Variants in DACH1 observed in about 807,000 individuals in gnomAD.
DACH1 encodes dachshund family transcription factor 1.
DACH1 carries 12 observed loss-of-function variants against 54.2 expected under a neutral mutation model. The ratio of observed to expected loss-of-function variants is 0.22; its 90% CI spans 0.14 to 0.36. DACH1 has a LOEUF of 0.36. DACH1 is among the 10% of genes least tolerant of loss of function. The probability of loss-of-function intolerance (pLI) is 1.00; values close to 1 mark genes in which losing one functional copy is unlikely to be tolerated. For missense variants in DACH1, 805 were observed against 929.8 expected, an observed-to-expected ratio of 0.87 and a Z score of 1.75; for synonymous variants, 386 against 366.2, an observed-to-expected ratio of 1.05 and a Z score of -0.62.
chr13:71,511,327 T>A (rs553480133), intron 6 of DACH1, among the ~76,000 whole-genome samples: 2 of 151,926 alleles, frequency 1.3e-5, no homozygotes, highest in Admixed American at 1.3e-4. Context: ...GAAACTGAAA[T>A]GAGGAAGAAG....
intron 6 of DACH1, among the ~76,000 whole-genome samples, chr13:71,496,815 T>C (rs1879482022): frequency 6.6e-6 from 1 of 152,216 alleles, no homozygotes; most frequent in African/African-American, 2.4e-5. Flanking sequence ...TTTATCAAAA[T>C]GACTTTTATA....
chr13:71,592,608 C>G (rs972095603), intron 3 of DACH1, among the ~76,000 whole-genome samples: 2 of 151,224 alleles, frequency 1.3e-5, no homozygotes, highest in Non-Finnish European at 2.9e-5. Flanking sequence ...AAATTATGAC[C>G]ATTCTTTACA....
At chr13:71,848,276 A>C (rs1873421400) in intron 1 of DACH1, among the ~76,000 whole-genome samples, 1 of 152,174 alleles carries the variant, frequency 6.6e-6, no homozygotes. Flanking sequence ...CTTCTCAAAA[A>C]TTTAACCATG....
intron 6 of DACH1, among the ~76,000 whole-genome samples, chr13:71,511,979 T>A (rs1034054924): frequency 6.6e-6 from 1 of 151,970 alleles, no homozygotes; most frequent in Non-Finnish European, 1.5e-5. Flanking sequence ...ACAGGATTTA[T>A]TCCTAAAACT....
At chr13:71,566,400 C>T (rs1884896181) in intron 4 of DACH1, among the ~76,000 whole-genome samples, 1 of 152,108 alleles carries the variant, frequency 6.6e-6, no homozygotes, top group Non-Finnish European at 1.5e-5. Context: ...GGTCGCAATT[C>T]ATCACTTCAT....
intron 3 of DACH1, among the ~76,000 whole-genome samples, chr13:71,588,573 T>C (rs1454960427): frequency 6.6e-6 from 1 of 151,996 alleles, no homozygotes; most frequent in African/African-American, 2.4e-5. Context: ...TATTAGACAA[T>C]TTCAAATGCA....
At chr13:71,569,001 A>T (rs1012247293) in intron 4 of DACH1, among the ~76,000 whole-genome samples, 5 of 152,110 alleles carry the variant, frequency 3.3e-5, no homozygotes, top group Non-Finnish European at 7.4e-5. Context: ...AATCTTGATT[A>T]TACTCAATAC....
At chr13:71,502,076 G>A (rs1325177450) in intron 6 of DACH1, among the ~76,000 whole-genome samples, 1 of 152,028 alleles carries the variant, frequency 6.6e-6, no homozygotes, top group Non-Finnish European at 1.5e-5. Context: ...ACATTAATAT[G>A]TGCATTCAAG....
intron 1 of DACH1, among the ~76,000 whole-genome samples, chr13:71,767,693 C>A (rs1208218121): frequency 6.6e-6 from 1 of 151,980 alleles, no homozygotes; most frequent in Non-Finnish European, 1.5e-5. Context: ...GGCTCAGATG[C>A]AAAGAATGAG....
chr13:71,662,504 A>G (rs1049504683), intron 2 of DACH1, among the ~76,000 whole-genome samples: 3 of 151,994 alleles, frequency 2.0e-5, no homozygotes, highest in African/African-American at 4.8e-5. Flanking sequence ...ACCCACAGAT[A>G]TTTTATCAGT....
chr13:71,621,364 T>C (rs1876224039), intron 3 of DACH1, among the ~76,000 whole-genome samples: 1 of 152,148 alleles, frequency 6.6e-6, no homozygotes, highest in East Asian at 1.9e-4. Flanking sequence ...GGAAATATTA[T>C]TAGAAAGGAC....
At chr13:71,859,907 AG>A (rs1874241423) in intron 1 of DACH1, among the ~76,000 whole-genome samples, 1 of 151,878 alleles carries the variant, frequency 6.6e-6, no homozygotes. Context: ...ATTGAGAAGA[AG>A]GAAACAAGAA....
intron 1 of DACH1, among the ~76,000 whole-genome samples, chr13:71,758,082 G>T (rs1428364422): frequency 1.3e-5 from 2 of 151,988 alleles, no homozygotes; most frequent in African/African-American, 4.8e-5. Flanking sequence ...CCGAAGACTT[G>T]ATTACCTGAC....
intron 10 of DACH1, among the ~76,000 whole-genome samples, chr13:71,459,341 G>A (rs1875868371): frequency 6.6e-6 from 1 of 151,838 alleles, no homozygotes; most frequent in Admixed American, 6.6e-5. Context: ...GGAAGAATGT[G>A]TTCATCCATA....
intron 6 of DACH1, among the ~76,000 whole-genome samples, chr13:71,550,916 T>C (rs550061297): frequency 1.3e-5 from 2 of 152,226 alleles, no homozygotes; most frequent in South Asian, 2.1e-4. Context: ...ATTTAGATGG[T>C]ATAAGTAAAG....
intron 10 of DACH1, among the ~76,000 whole-genome samples, chr13:71,462,374 C>T (rs1334770055): frequency 5.3e-5 from 8 of 151,642 alleles, no homozygotes; most frequent in Non-Finnish European, 8.8e-5. Context: ...AATAAAACTC[C>T]TTGTGCTATA....
intron 1 of DACH1, among the ~76,000 whole-genome samples, chr13:71,752,949 C>T (rs1211786208): frequency 6.6e-6 from 1 of 152,108 alleles, no homozygotes; most frequent in Non-Finnish European, 1.5e-5. Context: ...CCCAATACAT[C>T]AGCATCAGGA....
intron 7 of DACH1, among the ~76,000 whole-genome samples, chr13:71,481,915 T>C (rs1878065729): frequency 1.3e-5 from 2 of 152,326 alleles, no homozygotes; most frequent in South Asian, 4.1e-4. Context: ...ACGGTCACGT[T>C]AAATGCTGCA....
At chr13:71,847,059 T>C (rs996851873) in intron 1 of DACH1, among the ~76,000 whole-genome samples, 1 of 152,018 alleles carries the variant, frequency 6.6e-6, no homozygotes, top group African/African-American at 2.4e-5. Context: ...TAATTAATAA[T>C]AATAAAGGTA....
Sources: allele counts gnomAD v4.1 joint callset (sites outside exome capture counted in the v4.1 genomes callset), GRCh38; gene constraint gnomAD v4.1.1; transcripts MANE v1.5; gene names NCBI Gene and HGNC (gene_info 2026-07-23, HGNC 2026-07-21).